Variants in CRYBG1 observed in about 807,000 individuals in gnomAD.
CRYBG1 encodes the protein beta/gamma crystallin domain-containing protein 1.
In CRYBG1, 139 loss-of-function variants were observed where a neutral mutation model predicts 189.2. The ratio of observed to expected loss-of-function variants is 0.73; its 90% CI spans 0.64 to 0.85. The LOEUF is 0.85. Among genes scored for constraint, CRYBG1 ranks in the 40% least tolerant of loss-of-function variants. CRYBG1 has a pLI of 0.00. For missense variants in CRYBG1, 2,611 were observed against 2,675.8 expected (o/e 0.98, Z 0.53); for synonymous variants, 1,023 against 1,017.1 (o/e 1.01, Z -0.11).
Position 106,361,953 on chromosome 6 carries a change from T to TTTTCTTTCTTTCTTTCTTTC in CRYBG1, c.173+875_173+876insCTTTCTTTCTTTCTTTCTTT, listed in dbSNP as rs1229504243. 5.3e-4 allele frequency among the ~76,000 whole-genome samples: 47 copies of TTTTCTTTCTTTCTTTCTTTC among 89,124 alleles called. 6 individuals carry two copies. The highest frequency in any genetic ancestry group is 5.6e-3 in the Middle Eastern group (1 of 180). 58.5% of individuals were successfully genotyped at this position (89,124 alleles called of 152,430 possible). A position where few individuals can be genotyped will look rare whatever the true frequency, so the allele number is the denominator to read the frequency against. On this transcript the variant is annotated intron_variant, in intron 1 of 21. Transcript: ENST00000633556. ...ATTTGCATTTTAGACATGGTTTTCC[T>TTTTCTTTCTTTCTTTCTTTC]TTTATTTCTTTCTTTCTTTTTTTTT...
chr6:106,434,652 A>G (rs1234986743), intron 1 of CRYBG1, among the ~76,000 whole-genome samples: 1 of 152,202 alleles, frequency 6.6e-6, no homozygotes, highest in African/African-American at 2.4e-5. Context: ...CACAGTCTCT[A>G]TTGCAACTGC....
intron 2 of CRYBG1, among the ~76,000 whole-genome samples, chr6:106,502,932 A>G (rs1582800675): frequency 6.6e-6 from 1 of 152,214 alleles, no homozygotes; most frequent in African/African-American, 2.4e-5. Context: ...AAAACTCTCA[A>G]AATAACATAT....
At chr6:106,370,069 A>G (rs1445976297) in intron 1 of CRYBG1, among the ~76,000 whole-genome samples, 2 of 152,260 alleles carry the variant, frequency 1.3e-5, no homozygotes, top group Non-Finnish European at 2.9e-5. Context: ...ATTAAAATAC[A>G]TATGATAAAT....
At chr6:106,549,989 C>G (rs1200289081) in intron 13 of CRYBG1, among the ~76,000 whole-genome samples, 1 of 152,172 alleles carries the variant, frequency 6.6e-6, no homozygotes, top group Non-Finnish European at 1.5e-5. Context: ...CAAGGAGAGC[C>G]TGGTGGGCCT....
chr6:106,447,206 G>A (rs116471631), intron 1 of CRYBG1, among the ~76,000 whole-genome samples: 3,196 of 152,198 alleles, frequency 0.021, 101 homozygotes, highest in African/African-American at 0.073. Context: ...GACCAGTTGT[G>A]ACTATTCACA....
intron 13 of CRYBG1, among the ~76,000 whole-genome samples, 183 bp from the exon 14 acceptor site, chr6:106,551,669 A>G (rs895142125): frequency 1.1e-4 from 16 of 152,338 alleles, no homozygotes; most frequent in African/African-American, 3.6e-4. Flanking sequence ...CTGCTGGCTT[A>G]CCATTCTGAT....
intron 16 of CRYBG1, among the ~76,000 whole-genome samples, chr6:106,555,450 G>A (rs1282126046): frequency 6.6e-6 from 1 of 152,168 alleles, no homozygotes; most frequent in Non-Finnish European, 1.5e-5. Flanking sequence ...AAAAGGACTT[G>A]AGGGCTTGAA....
intron 2 of CRYBG1, among the ~76,000 whole-genome samples, chr6:106,478,682 A>G (rs1772383789): frequency 6.6e-6 from 1 of 152,234 alleles, no homozygotes. Context: ...CCTGTTAGGA[A>G]CTGGGCTGCA....
At chr6:106,487,965 G>A (rs1179086191) in intron 2 of CRYBG1, among the ~76,000 whole-genome samples, 4 of 152,124 alleles carry the variant, frequency 2.6e-5, no homozygotes, top group African/African-American at 9.7e-5. Context: ...TATAGGAAGA[G>A]GCTTTTTCCT....
chr6:106,426,310 C>T (rs1255403953), intron 1 of CRYBG1, among the ~76,000 whole-genome samples: 2 of 152,188 alleles, frequency 1.3e-5, no homozygotes, highest in East Asian at 3.8e-4. Context: ...TCTACTGGGG[C>T]ATTCCTATCA....
At chr6:106,545,634 G>C (rs1774251118) in intron 13 of CRYBG1, among the ~76,000 whole-genome samples, 1 of 152,200 alleles carries the variant, frequency 6.6e-6, no homozygotes, top group African/African-American at 2.4e-5. Flanking sequence ...ACTTTAGGTA[G>C]GCCTTTTGCA....
At chr6:106,434,162 GA>G (rs1562306032) in intron 1 of CRYBG1, among the ~76,000 whole-genome samples, 4 of 151,868 alleles carry the variant, frequency 2.6e-5, no homozygotes, top group Admixed American at 6.6e-5. Flanking sequence ...AAGAGAGAGA[GA>G]GAGAGAGATT....
intron 13 of CRYBG1, among the ~76,000 whole-genome samples, chr6:106,546,054 G>T (rs1774260719): frequency 6.6e-6 from 1 of 152,166 alleles, no homozygotes; most frequent in East Asian, 1.9e-4. Flanking sequence ...TCCTAGGCTT[G>T]GGTCATGTGC....
At chr6:106,531,688 A>T (rs1043588509) in intron 8 of CRYBG1, among the ~76,000 whole-genome samples, 3 of 152,158 alleles carry the variant, frequency 2.0e-5, no homozygotes, top group African/African-American at 7.2e-5. Context: ...GAAATATAAG[A>T]CACCTAGAAA....
chr6:106,403,104 G>C (rs1770753276), intron 1 of CRYBG1, among the ~76,000 whole-genome samples: 2 of 152,136 alleles, frequency 1.3e-5, no homozygotes, highest in South Asian at 2.1e-4. Context: ...AGGCTAAGAC[G>C]GGGGAGGATT....
chr6:106,390,766 ATATTT>A (rs1770484441), intron 1 of CRYBG1, among the ~76,000 whole-genome samples: 1 of 152,106 alleles, frequency 6.6e-6, no homozygotes, highest in Non-Finnish European at 1.5e-5. Flanking sequence ...TTGCTATGTA[ATATTT>A]TATTTTATGA....
chr6:106,438,807 G>A (rs911760236), intron 1 of CRYBG1, among the ~76,000 whole-genome samples: 6 of 151,898 alleles, frequency 4.0e-5, no homozygotes, highest in African/African-American at 9.7e-5. Context: ...AAATATTTTC[G>A]GTTTTCAAAA....
rs1198435226 is a variant in CRYBG1 at position 106,571,497 on chromosome 6, G to A, written c.*2931G>A. 1 of 154,828 alleles carries A rather than the reference G, an allele frequency of 6.5e-6. No individual in the cohort carries two copies. Among genetic ancestry groups the A allele is most frequent in the Non-Finnish European group, 1.4e-5 (1 of 70,016 alleles). 9.6% of individuals were successfully genotyped at this position (154,828 alleles called of 1,614,324 possible). ...GTGGATCACTTAAGCCCAGGAGTTT[G>A]AGACCAGCCTGGGCAACATGGCAAA... On this transcript the variant is annotated 3_prime_UTR_variant, in exon 22 of 22. Coordinates refer to ENST00000633556, the MANE Select transcript of CRYBG1 (RefSeq NM_001371242.2).
At chr6:106,514,126 G>C (rs1773363862) in intron 3 of CRYBG1, among the ~76,000 whole-genome samples, 1 of 152,152 alleles carries the variant, frequency 6.6e-6, no homozygotes, top group Non-Finnish European at 1.5e-5. Flanking sequence ...TGGTGCTTTG[G>C]GGGAGCTGGG....
Sources: gnomAD v4.1 joint callset for allele counts (sites outside exome capture counted in the v4.1 genomes callset) on GRCh38, gnomAD v4.1.1 for gene constraint, MANE v1.5 for transcripts, NCBI Gene and HGNC (gene_info 2026-07-23, HGNC 2026-07-21) for gene names.